The following TGFBRAP1 variants were observed in gnomAD, a reference collection of about 807,000 sequenced individuals.
TGFBRAP1 encodes transforming growth factor beta receptor associated protein 1, also known as transforming growth factor-beta receptor-associated protein 1.
A neutral mutation model predicts 83.2 loss-of-function variants in TGFBRAP1; 20 were observed. The observed-to-expected ratio is 0.24, with a 90% CI of 0.17 to 0.35. The LOEUF is 0.35. Ranked by LOEUF, TGFBRAP1 falls within the 10% of genes least tolerant of loss-of-function variation. TGFBRAP1 has a pLI of 1.00. For missense variants in TGFBRAP1, 950 were observed against 1,099.4 expected, an observed-to-expected ratio of 0.86 and a Z score of 1.92; for synonymous variants, 415 against 459.8, an observed-to-expected ratio of 0.90 and a Z score of 1.25.
intron 2 of TGFBRAP1, among the ~76,000 whole-genome samples, chr2:105,301,124 A>G (rs1027052980): frequency 6.6e-6 from 1 of 152,146 alleles, no homozygotes. Flanking sequence ...AAGGGGAATG[A>G]GGCAGGAAGA....
chr2:105,313,397 G>T (rs1437863790), intron 1 of TGFBRAP1, among the ~76,000 whole-genome samples: 1 of 152,210 alleles, frequency 6.6e-6, no homozygotes, highest in African/African-American at 2.4e-5. Context: ...CAGAGCACTG[G>T]CTACATTCTG....
intron 4 of TGFBRAP1, among the ~76,000 whole-genome samples, chr2:105,284,910 G>A (rs1677663394): frequency 6.6e-6 from 1 of 152,118 alleles, no homozygotes; most frequent in African/African-American, 2.4e-5. Context: ...ACCAACATCC[G>A]ACACTCCTGC....
chr2:105,325,154 A>G (rs755584851), intron 1 of TGFBRAP1: 2 of 152,260 alleles, frequency 1.3e-5, no homozygotes, highest in Non-Finnish European at 2.9e-5. Context: ...CAACCCAGGT[A>G]GTCAGCTCCA....
At chr2:105,288,865 C>G (rs552728211) in intron 4 of TGFBRAP1, among the ~76,000 whole-genome samples, 1 of 152,080 alleles carries the variant, frequency 6.6e-6, no homozygotes, top group South Asian at 2.1e-4. Flanking sequence ...TGAGGGTGCA[C>G]AGAAAGACAA....
In TGFBRAP1 at chr2:105,284,545, T is replaced by C. The variant is rs545100333; in HGVS notation, c.1039-147A>G. 1.9e-4 allele frequency: 131 copies of C among 674,602 alleles called. 2 individuals carry two copies. In the Middle Eastern group the frequency reaches 2.9e-3, roughly 15 times the overall value. 41.8% of individuals were successfully genotyped at this position (674,602 alleles called of 1,614,324 possible). A position where few individuals can be genotyped will look rare whatever the true frequency, so the allele number is the denominator to read the frequency against. The stretch of plus-strand genomic sequence containing the variant: ...AAAAAACAAGGTGCATATGAAATTA[T>C]ATGTATCTGTCTCTTTATGGTTTTA... On this transcript the variant is annotated intron_variant, in intron 4 of 11. Transcript: ENST00000393359.
rs990191027 is a variant in TGFBRAP1 at position 105,273,547 on chromosome 2, C to A, written c.1809G>T (p.Leu603=). ...GTCTAACTTCTGCAGTGCTCACCTGCAGTCTCTTGTCTATCACAAGATGTT... is the reference window on the plus strand; with the variant it reads ...GTCTAACTTCTGCAGTGCTCACCTGAAGTCTCTTGTCTATCACAAGATGTT... The part of the protein sequence containing the change: ...YLEHLVIDKR[L]QKEEYHTHLA... The change falls in exon 9 of 12, where the codon CTG becomes CTT. Residue 603 remains leucine (L), a synonymous_variant. Transcript: ENST00000393359. The A allele has an allele frequency of 6.2e-7, 1 of 1,614,076 alleles. No homozygotes were observed. Among genetic ancestry groups the A allele is most frequent in the South Asian group, 1.1e-5 (1 of 91,020 alleles).
At chr2:105,324,499 T>A (rs1482161984) in intron 1 of TGFBRAP1, among the ~76,000 whole-genome samples, 1 of 152,224 alleles carries the variant, frequency 6.6e-6, no homozygotes, top group Non-Finnish European at 1.5e-5. Flanking sequence ...GCTAGCACAC[T>A]CTGGGCTACT....
chr2:105,293,044 T>C (rs527839663), intron 4 of TGFBRAP1, among the ~76,000 whole-genome samples: 169 of 151,734 alleles, frequency 1.1e-3, no homozygotes, highest in African/African-American at 4.0e-3. Flanking sequence ...TTTGGAAATA[T>C]GAGCACTGAC....
At chr2:105,296,756 C>CTTTTTTTTTT (rs60031957) in intron 3 of TGFBRAP1, among the ~76,000 whole-genome samples, 9 of 73,214 alleles carry the variant, frequency 1.2e-4, no homozygotes, top group Admixed American at 5.7e-4. Context: ...CTTTTTTTGC[C>CTTTTTTTTTT]TTTTTTTTTT....
intron 2 of TGFBRAP1, 77 bp downstream of exon 2, chr2:105,307,537 A>T: frequency 7.0e-7 from 1 of 1,435,318 alleles, no homozygotes; most frequent in Non-Finnish European, 9.4e-7. Context: ...GCACAGCGCC[A>T]ATCTCACTCT....
intron 1 of TGFBRAP1, among the ~76,000 whole-genome samples, chr2:105,311,169 CA>C (rs1337592812): frequency 3.7e-5 from 5 of 136,092 alleles, no homozygotes; most frequent in Admixed American, 7.3e-5. Context: ...AAACAAAAAA[CA>C]AAAAAACATA....
At chr2:105,259,989 T>C (rs940112558), downstream of TGFBRAP1, among the ~76,000 whole-genome samples, 2 of 152,220 alleles carry the variant, frequency 1.3e-5, no homozygotes, top group African/African-American at 4.8e-5. Flanking sequence ...TCTATGTTGA[T>C]ATGAATATAA....
intron 4 of TGFBRAP1, among the ~76,000 whole-genome samples, chr2:105,287,202 G>A (rs1677749443): frequency 6.6e-6 from 1 of 151,918 alleles, no homozygotes; most frequent in South Asian, 2.1e-4. Context: ...TGGGGGTGTA[G>A]GGTGGGGAGG....
the TGFBRAP1 span, among the ~76,000 whole-genome samples, chr2:105,251,524 GGA>G: frequency 2.7e-5 from 4 of 149,762 alleles, no homozygotes; most frequent in Admixed American, 6.7e-5. Context: ...AGGTGGGGGG[GGA>G]TCAGCCCCCC....
intron 1 of TGFBRAP1, among the ~76,000 whole-genome samples, chr2:105,313,903 C>G (rs1445081950): frequency 6.6e-6 from 1 of 151,848 alleles, no homozygotes; most frequent in African/African-American, 2.4e-5. Flanking sequence ...AAACAAGGAA[C>G]AAGACAAGAA....
At chr2:105,318,830 A>C (rs1573220740) in intron 1 of TGFBRAP1, among the ~76,000 whole-genome samples, 1 of 152,184 alleles carries the variant, frequency 6.6e-6, no homozygotes, top group Non-Finnish European at 1.5e-5. Flanking sequence ...GGGCGTGTAT[A>C]CCGTCTGGGG....
At chr2:105,322,916 TG>T (rs1028581588) in intron 1 of TGFBRAP1, among the ~76,000 whole-genome samples, 1 of 151,962 alleles carries the variant, frequency 6.6e-6, no homozygotes, top group African/African-American at 2.4e-5. Context: ...TTGAGACGGA[TG>T]GGGGGCAGAC....
At chr2:105,259,965 T>G (rs1390364793), downstream of TGFBRAP1, among the ~76,000 whole-genome samples, 1 of 152,172 alleles carries the variant, frequency 6.6e-6, no homozygotes, top group East Asian at 1.9e-4. Flanking sequence ...TGGGCTGATA[T>G]AGGGTTATAT....
the TGFBRAP1 span, among the ~76,000 whole-genome samples, chr2:105,251,006 A>G: frequency 1.8e-4 from 28 of 152,264 alleles, no homozygotes; most frequent in African/African-American, 6.0e-4. Flanking sequence ...GCTCGCTACA[A>G]CATCCACCTC....
Sources: allele counts gnomAD v4.1 joint callset (sites outside exome capture counted in the v4.1 genomes callset), GRCh38; gene constraint gnomAD v4.1.1; transcripts MANE v1.5; gene names NCBI Gene and HGNC (gene_info 2026-07-23, HGNC 2026-07-21).